Variants in CLASP1 observed in about 807,000 individuals in gnomAD.
CLASP1 encodes the protein CLIP-associating protein 1.
CLASP1 carries 38 observed loss-of-function variants against 192.3 expected under a neutral mutation model. The observed-to-expected ratio is 0.20, with a 90% CI of 0.15 to 0.26. The LOEUF (loss-of-function observed/expected upper bound fraction) is 0.26, where lower values mean the gene tolerates loss of function less well. Ranked by LOEUF, CLASP1 falls within the 10% of genes least tolerant of loss-of-function variation. The pLI, the probability that CLASP1 is intolerant of heterozygous loss-of-function variation, is 1.00. For synonymous variants in CLASP1, 691 were observed against 712.8 expected, an observed-to-expected ratio of 0.97 and a Z score of 0.49; for missense variants, 1,433 against 1,932.5, an observed-to-expected ratio of 0.74 and a Z score of 4.85.
At chr2:121,385,826 A>T (rs538167950) in intron 32 of CLASP1, among the ~76,000 whole-genome samples, 15 of 152,340 alleles carry the variant, frequency 9.8e-5, no homozygotes, top group African/African-American at 2.4e-4. Flanking sequence ...TTATGATTTT[A>T]CTGTCACCAC....
At chr2:121,606,857 A>T (rs1012840856) in intron 1 of CLASP1, among the ~76,000 whole-genome samples, 1 of 152,204 alleles carries the variant, frequency 6.6e-6, no homozygotes, top group African/African-American at 2.4e-5. Context: ...CAGGAGTTCG[A>T]GACAGCCTGG....
At chr2:121,546,155 C>T (rs1559576017) in intron 2 of CLASP1, among the ~76,000 whole-genome samples, 1 of 152,124 alleles carries the variant, frequency 6.6e-6, no homozygotes, top group Non-Finnish European at 1.5e-5. Context: ...CATGAGACTA[C>T]CTCTCAGGGT....
chr2:121,379,644 GA>G (rs376220642), intron 33 of CLASP1, among the ~76,000 whole-genome samples: 6 of 151,726 alleles, frequency 4.0e-5, no homozygotes, highest in African/African-American at 9.7e-5. Context: ...CCATGCAAAA[GA>G]AAAAAAATCC....
intron 1 of CLASP1, among the ~76,000 whole-genome samples, chr2:121,619,872 G>A (rs962378959): frequency 6.6e-6 from 1 of 152,094 alleles, no homozygotes; most frequent in Non-Finnish European, 1.5e-5. Flanking sequence ...AACTGCTGAA[G>A]CTTGGTGATG....
At chr2:121,538,920 C>T (rs1301405268) in intron 2 of CLASP1, among the ~76,000 whole-genome samples, 7 of 152,018 alleles carry the variant, frequency 4.6e-5, no homozygotes, top group Non-Finnish European at 8.8e-5. Flanking sequence ...AAAAATGTTC[C>T]TATTTTTAAT....
intron 19 of CLASP1, among the ~76,000 whole-genome samples, chr2:121,442,480 T>A (rs2149737478): frequency 6.6e-6 from 1 of 151,748 alleles, no homozygotes; most frequent in African/African-American, 2.4e-5. Flanking sequence ...TAAATTTCTT[T>A]CTTTTTTTTT....
rs368672890 is a variant in CLASP1 at position 121,632,431 on chromosome 2, T to C, written c.-286+16941A>G. On this transcript the variant is annotated intron_variant, in intron 1 of 39. Transcript: ENST00000263710. Reference sequence around the variant, plus strand: ...TAGAATTATTCTTTGCAGCATTGTTTATAAAAGCAAAAGATTAGATAAAAC... The same window carrying C: ...TAGAATTATTCTTTGCAGCATTGTTCATAAAAGCAAAAGATTAGATAAAAC... Among the ~76,000 whole-genome samples, 4 of 152,126 alleles carry C rather than the reference T, an allele frequency of 2.6e-5. No individual in the cohort carries two copies. In the East Asian group the frequency reaches 7.7e-4, roughly 29 times the overall value.
chr2:121,469,952 A>T, exon 9 of CLASP1: 2 of 1,611,542 alleles, frequency 1.2e-6, no homozygotes, highest in Non-Finnish European at 8.5e-7. Flanking sequence ...TCATCGTCGA[A>T]ATTTTTATCT....
chr2:121,404,396 C>A, exon 26 of CLASP1: 1 of 1,612,356 alleles, frequency 6.2e-7, no homozygotes, highest in East Asian at 2.2e-5. Context: ...AGCAAACATC[C>A]GAGTGAAGAT....
At position 121,375,498 on chromosome 2, in the gene CLASP1, G is replaced by C. The variant is rs573993044; in HGVS notation, c.3642+2001C>G. 2.6e-5 allele frequency among the ~76,000 whole-genome samples: 4 copies of C among 151,716 alleles called. No homozygotes were observed. The South Asian group carries it at 8.4e-4, about 32-fold the overall frequency. On this transcript the variant is annotated intron_variant, in intron 34 of 39. Transcript: ENST00000263710. The stretch of plus-strand genomic sequence containing the variant: ...CCTGCCTCAGCCTCCTGAGTAGCTG[G>C]GACTACAGGTGTGCACCACCAAGCC...
At chr2:121,634,358 T>A (rs897307601) in intron 1 of CLASP1, among the ~76,000 whole-genome samples, 6 of 152,180 alleles carry the variant, frequency 3.9e-5, no homozygotes, top group African/African-American at 1.4e-4. Flanking sequence ...ACTTTTATTT[T>A]AATGTCAGCA....
intron 1 of CLASP1, among the ~76,000 whole-genome samples, chr2:121,645,174 A>C (rs2072953649): frequency 6.6e-6 from 1 of 152,172 alleles, no homozygotes; most frequent in African/African-American, 2.4e-5. Flanking sequence ...CTGATGCTCA[A>C]TTCAAGAGAG....
At chr2:121,630,381 A>AACAC (rs60827939) in intron 1 of CLASP1, among the ~76,000 whole-genome samples, 7,280 of 138,976 alleles carry the variant, frequency 0.052, 220 homozygotes, top group East Asian at 0.088. Context: ...ATTGGAAAGA[A>AACAC]ACACACACAC....
chr2:121,415,773 T>C (rs189956533), intron 23 of CLASP1, among the ~76,000 whole-genome samples: 2 of 152,304 alleles, frequency 1.3e-5, no homozygotes, highest in East Asian at 3.9e-4. Context: ...ATTCTGTACA[T>C]GTTAACGCTC....
intron 23 of CLASP1, among the ~76,000 whole-genome samples, 142 bp downstream of exon 24, chr2:121,413,999 A>T (rs1240628428): frequency 1.3e-5 from 2 of 152,206 alleles, no homozygotes; most frequent in African/African-American, 4.8e-5. Context: ...TCAATAACTT[A>T]AAAAAATTAA....
At chr2:121,536,035 G>A (rs912357865) in intron 2 of CLASP1, among the ~76,000 whole-genome samples, 2 of 151,992 alleles carry the variant, frequency 1.3e-5, no homozygotes, top group African/African-American at 4.8e-5. Flanking sequence ...GTATACTGCT[G>A]GTGAAGTGTA....
exon 19 of CLASP1, chr2:121,447,356 T>C (rs1282871726): frequency 1.3e-6 from 2 of 1,591,442 alleles, no homozygotes; most frequent in Non-Finnish European, 1.7e-6. Context: ...CGTATGACCC[T>C]GGAGGCAAAG....
intron 30 of CLASP1, 39 bp downstream of exon 31, chr2:121,397,101 G>A (rs2075404191): frequency 6.2e-7 from 1 of 1,606,106 alleles, no homozygotes; most frequent in Non-Finnish European, 8.5e-7. Context: ...ACAAGCCCAG[G>A]AACAATCTGT....
intron 2 of CLASP1, among the ~76,000 whole-genome samples, chr2:121,561,225 A>G (rs1318081239): frequency 1.3e-5 from 2 of 152,202 alleles, no homozygotes; most frequent in Non-Finnish European, 2.9e-5. Context: ...TGCAATTTTC[A>G]TAATACAAAG....
Sources: allele counts gnomAD v4.1 joint callset (sites outside exome capture counted in the v4.1 genomes callset), GRCh38; gene constraint gnomAD v4.1.1; transcripts MANE v1.5; gene names NCBI Gene and HGNC (gene_info 2026-07-23, HGNC 2026-07-21).